COL5A1: variants seen among roughly 807,000 people sequenced by gnomAD.
The protein encoded by COL5A1 is collagen alpha-1(V) chain.
In COL5A1, 16 loss-of-function variants were observed where a neutral mutation model predicts 263.7. The ratio of observed to expected loss-of-function variants is 0.06; its 90% CI spans 0.04 to 0.09. COL5A1 has a LOEUF of 0.09. Ranked by LOEUF, COL5A1 falls within the 10% of genes least tolerant of loss-of-function variation. The pLI is 1.00. For synonymous variants in COL5A1, 1,012 were observed against 1,004.5 expected, an observed-to-expected ratio of 1.01 and a Z score of -0.14; for missense variants, 2,036 against 2,540.5, an observed-to-expected ratio of 0.80 and a Z score of 4.27.
In COL5A1 at chr9:134,765,499, G is replaced by A. The variant is rs78511439; in HGVS notation, c.2035-182G>A. 6.6e-6 allele frequency among the ~76,000 whole-genome samples: 1 copy of A among 152,240 alleles called. No individual in the cohort carries two copies. Among genetic ancestry groups the A allele is most frequent in the East Asian group, 1.9e-4 (1 of 5,154 alleles). On this transcript the variant is annotated intron_variant, in intron 20 of 65. Transcript: ENST00000371817. This position sits in a 1 kb window ranked among gnomAD's most constrained non-coding sequence, Gnocchi z 5.1. ...GCCCCTGGTTCCCAACACCAGGGTGGGGTGGAGGGAGGCAGCGCAGCAGGC... is the reference window on the plus strand; with the variant it reads ...GCCCCTGGTTCCCAACACCAGGGTGAGGTGGAGGGAGGCAGCGCAGCAGGC...
intron 64 of COL5A1, among the ~76,000 whole-genome samples, chr9:134,830,780 T>C (rs987603170): frequency 3.3e-5 from 5 of 152,144 alleles, no homozygotes; most frequent in African/African-American, 1.2e-4. Context: ...AAGAACCACA[T>C]AGGAGGTTCT....
At chr9:134,763,301 G>A (rs900449846) in intron 19 of COL5A1, among the ~76,000 whole-genome samples, 1 of 152,218 alleles carries the variant, frequency 6.6e-6, no homozygotes, top group South Asian at 2.1e-4. Context: ...TTAGGACCCC[G>A]GCAGGGACAC....
chr9:134,796,488 C>G, intron 35 of COL5A1, 70 bp downstream of exon 35: 1 of 1,516,778 alleles, frequency 6.6e-7, no homozygotes, highest in Non-Finnish European at 9.2e-7. Flanking sequence ...TGCACTTTGT[C>G]CTGGGGTGGG....
At chr9:134,748,164 G>A (rs969404588) in intron 11 of COL5A1, among the ~76,000 whole-genome samples, 2 of 140,920 alleles carry the variant, frequency 1.4e-5, no homozygotes, top group African/African-American at 5.4e-5. Context: ...CATTCCACAC[G>A]TGCACACACA....
At chr9:134,685,233 ATCCATTCAT>A in intron 1 of COL5A1, among the ~76,000 whole-genome samples, 1 of 142,400 alleles carries the variant, frequency 7.0e-6, no homozygotes, top group Non-Finnish European at 1.5e-5. Context: ...TCACCCATCC[ATCCATTCAT>A]CCATCCATCC....
rs372988689 is a variant in COL5A1, at chr9:134,837,925, ATTC to A, written c.5370+2726_5370+2728del. ...TGAGGCTCCTAATTCCCACTGCAGC[ATTC>A]TTCTCACCATAGCCCCTTCCTGGCA... On this transcript the variant is annotated intron_variant, in intron 65 of 65. Transcript: ENST00000371817. Among the ~76,000 whole-genome samples the A allele has an allele frequency of 3.9e-3, 594 of 152,250 alleles. 3 individuals carry two copies. Among genetic ancestry groups the A allele is most frequent in the African/African-American group, 0.014 (567 of 41,534 alleles).
intron 65 of COL5A1, 33 bp downstream of exon 65, chr9:134,835,237 C>A: frequency 6.3e-7 from 1 of 1,578,966 alleles, no homozygotes; most frequent in Non-Finnish European, 8.7e-7. Flanking sequence ...AGCACCCCTG[C>A]TCACGCCTCC....
chr9:134,790,137 C>T (rs562367488), intron 32 of COL5A1, among the ~76,000 whole-genome samples: 7 of 152,220 alleles, frequency 4.6e-5, no homozygotes, highest in Admixed American at 4.6e-4. Context: ...GTTGCAGCTC[C>T]CTCTTGGGCC....
At chr9:134,718,780 A>G (rs1358732386) in intron 4 of COL5A1, among the ~76,000 whole-genome samples, 5 of 152,138 alleles carry the variant, frequency 3.3e-5, no homozygotes, top group Non-Finnish European at 7.4e-5. Flanking sequence ...CTCCTCCCAT[A>G]TGGCCTGCGA....
chr9:134,784,955 G>GGGC (rs376936600), intron 29 of COL5A1, 34 bp from the exon 30 acceptor site: 23 of 1,501,996 alleles, frequency 1.5e-5, no homozygotes, highest in East Asian at 2.3e-5. Flanking sequence ...TGTGCGGGGG[G>GGGC]TGGTCTTCTC....
intron 1 of COL5A1, chr9:134,649,557 A>G (rs1831597719): frequency 2.2e-6 from 1 of 463,634 alleles, no homozygotes; most frequent in Non-Finnish European, 4.4e-6. Context: ...GACCTCGGCA[A>G]TAGGGTTTCT....
At chr9:134,802,852 C>T (rs73561924) in intron 38 of COL5A1, 36 bp from the exon 39 acceptor site, 8 of 1,492,992 alleles carry the variant, frequency 5.4e-6, no homozygotes, top group South Asian at 3.5e-5. Context: ...GCAAGTCACT[C>T]GAAACGTCTG....
At chr9:134,797,713 C>T (rs1837962893) in intron 36 of COL5A1, among the ~76,000 whole-genome samples, 2 of 152,158 alleles carry the variant, frequency 1.3e-5, no homozygotes, top group African/African-American at 4.8e-5. Context: ...GAACTCCTGA[C>T]CTCAGGTGAT....
chr9:134,788,218 G>T (rs138051020), intron 31 of COL5A1, among the ~76,000 whole-genome samples: 39 of 151,442 alleles, frequency 2.6e-4, no homozygotes, highest in African/African-American at 8.0e-4. Flanking sequence ...GAATGGGTAG[G>T]TGGGTAGGTA....
chr9:134,834,699 G>T (rs539047247), intron 64 of COL5A1, among the ~76,000 whole-genome samples: 1 of 152,174 alleles, frequency 6.6e-6, no homozygotes, highest in African/African-American at 2.4e-5. Flanking sequence ...GGCAGCACAG[G>T]TGCCGAGCCC....
intron 32 of COL5A1, among the ~76,000 whole-genome samples, chr9:134,790,239 G>T (rs879477155): frequency 2.0e-5 from 3 of 152,188 alleles, no homozygotes; most frequent in Non-Finnish European, 4.4e-5. Context: ...GTGTAAGTTG[G>T]CAGCACAGAC....
In COL5A1 at chr9:134,690,898, C is replaced by G; in HGVS notation, c.110-14C>G. On this transcript the variant is annotated splice_polypyrimidine_tract_variant and intron_variant, in intron 1 of 65. Coordinates refer to ENST00000371817, the MANE Select transcript of COL5A1 (RefSeq NM_000093.5). ...CTCTCCGTGGCTAACTCTGCTCCTC[C>G]TCTGTCATTTCAGCTCAGCCAGCAG... The G allele has an allele frequency of 6.2e-7, 1 of 1,613,490 alleles. No individual in the cohort carries two copies. The highest frequency in any genetic ancestry group is 1.3e-5 in the African/African-American group (1 of 75,058).
Position 134,842,180 on chromosome 9 carries a change from G to A in COL5A1, c.5394G>A (p.Thr1798=), listed in dbSNP as rs200515325. The change falls in exon 66 of 66, where the codon ACG becomes ACA. Residue 1798 remains threonine (T), a synonymous_variant. Transcript: ENST00000371817. This position sits in a 1 kb window ranked among gnomAD's most constrained non-coding sequence, Gnocchi z 5.8. The part of the protein sequence containing the change: ...GCATKKGYQK[T]VLEIDTPKVE... ...AGACCAAGAAAGGCTACCAGAAGAC[G>A]GTTCTGGAGATCGACACCCCCAAAG... 9 of 1,614,120 alleles carry A rather than the reference G, an allele frequency of 5.6e-6. No homozygotes were observed. The highest frequency in any genetic ancestry group is 2.2e-5 in the South Asian group (2 of 91,076).
chr9:134,711,182 G>A (rs1834032080), intron 4 of COL5A1, among the ~76,000 whole-genome samples: 1 of 152,090 alleles, frequency 6.6e-6, no homozygotes. Flanking sequence ...GCCCCTGTGG[G>A]CCTGCAGAGT....
Sources: allele counts gnomAD v4.1 joint callset (sites outside exome capture counted in the v4.1 genomes callset), GRCh38; gene constraint gnomAD v4.1.1; non-coding constraint Gnocchi (gnomAD v3.1); transcripts MANE v1.5; gene names NCBI Gene and HGNC (gene_info 2026-07-23, HGNC 2026-07-21).